Variants in ST18 observed in about 807,000 individuals in gnomAD.
ST18 encodes the protein ST18 C2H2C-type zinc finger transcription factor.
A neutral mutation model predicts 110.0 loss-of-function variants in ST18; 50 were observed. The ratio of observed to expected loss-of-function variants is 0.45; its 90% CI spans 0.36 to 0.58. ST18 has a LOEUF of 0.58. Among genes scored for constraint, ST18 ranks in the 20% least tolerant of loss-of-function variants. ST18 has a pLI of 0.00. For synonymous variants in ST18, 461 were observed against 452.4 expected, an observed-to-expected ratio of 1.02 and a Z score of -0.24; for missense variants, 1,306 against 1,280.1, an observed-to-expected ratio of 1.02 and a Z score of -0.31.
At chr8:52,350,803 C>A (rs187382108) in intron 2 of ST18, among the ~76,000 whole-genome samples, 2 of 152,172 alleles carry the variant, frequency 1.3e-5, no homozygotes, top group African/African-American at 2.4e-5. Context: ...TCACTGCAAC[C>A]TCTGCCTCCC....
At chr8:52,231,868 A>G (rs1177987923) in intron 2 of ST18, among the ~76,000 whole-genome samples, 1 of 152,242 alleles carries the variant, frequency 6.6e-6, no homozygotes, top group Non-Finnish European at 1.5e-5. Context: ...TGCACTGAAC[A>G]GCAAAGTGTC....
intron 15 of ST18, among the ~76,000 whole-genome samples, chr8:52,152,105 C>T (rs2058960159): frequency 6.6e-6 from 1 of 152,234 alleles, no homozygotes; most frequent in Admixed American, 6.5e-5. Context: ...ATCCTGCGCC[C>T]AGCCTGCTGC....
intron 15 of ST18, among the ~76,000 whole-genome samples, chr8:52,155,071 G>A (rs150732468): frequency 0.018 from 2,757 of 149,158 alleles, 85 homozygotes; most frequent in African/African-American, 0.064. Flanking sequence ...GTGTGCTGGC[G>A]CACGCCGGTA....
In ST18 at chr8:52,226,077, T is replaced by C. The variant is rs180738447; in HGVS notation, c.-419+3955A>G. Among the ~76,000 whole-genome samples, 11 of 152,306 alleles carry C rather than the reference T, an allele frequency of 7.2e-5. No individual in the cohort carries two copies. The East Asian group carries it at 1.9e-3, about 27-fold the overall frequency. On this transcript the variant is annotated intron_variant, in intron 3 of 25. Coordinates refer to ENST00000689386, the MANE Select transcript of ST18 (RefSeq NM_001352837.2). ...ACTGTGAAGAACTCCTTGGGTTAGA[T>C]GCAGCAAAGGACAGAGCAACAGTGA... is the stretch of plus-strand genomic sequence containing the variant.
intron 8 of ST18, among the ~76,000 whole-genome samples, chr8:52,181,483 A>G (rs907266861): frequency 6.6e-5 from 10 of 152,206 alleles, no homozygotes; most frequent in African/African-American, 2.2e-4. Flanking sequence ...AGAAGAAAAA[A>G]GATCCTGGAA....
rs186081024 is a variant in ST18, at chr8:52,289,110, G to T, written c.-464-59033C>A. ...AATCAAAGAATTCCAGCCCCTGCAGGTCAGAAAGCATCTTAGATACTACCC... is the reference window on the plus strand; with the variant it reads ...AATCAAAGAATTCCAGCCCCTGCAGTTCAGAAAGCATCTTAGATACTACCC... On this transcript the variant is annotated intron_variant, in intron 2 of 25. Transcript: ENST00000689386. 2.0e-4 allele frequency among the ~76,000 whole-genome samples: 30 copies of T among 152,262 alleles called. No individual in the cohort carries two copies. The East Asian group carries it at 5.0e-3, about 26-fold the overall frequency.
chr8:52,176,608 A>G (rs2067057511), intron 9 of ST18, among the ~76,000 whole-genome samples: 1 of 152,190 alleles, frequency 6.6e-6, no homozygotes, highest in South Asian at 2.1e-4. Flanking sequence ...TAGAGTAAAA[A>G]GTAAATGTTT....
intron 2 of ST18, among the ~76,000 whole-genome samples, chr8:52,341,083 CT>C (rs1351878802): frequency 6.6e-6 from 1 of 152,200 alleles, no homozygotes; most frequent in Non-Finnish European, 1.5e-5. Context: ...TGCAACCCCC[CT>C]AATCAAACTG....
chr8:52,390,723 C>G (rs1035822225), intron 2 of ST18, among the ~76,000 whole-genome samples: 1 of 152,170 alleles, frequency 6.6e-6, no homozygotes, highest in Non-Finnish European at 1.5e-5. Context: ...GGGCTTCTCC[C>G]CACACACATG....
intron 22 of ST18, among the ~76,000 whole-genome samples, chr8:52,131,453 C>A (rs537878969): frequency 6.6e-6 from 1 of 152,226 alleles, no homozygotes; most frequent in African/African-American, 2.4e-5. Flanking sequence ...TCTCCTGTAT[C>A]CTGCTGCACA....
At chr8:52,210,841 G>A (rs550041937) in intron 8 of ST18, among the ~76,000 whole-genome samples, 8 of 152,234 alleles carry the variant, frequency 5.3e-5, no homozygotes, top group African/African-American at 1.9e-4. Flanking sequence ...AGGCTATGAC[G>A]GAGATCATAA....
At chr8:52,367,018 A>G (rs111674668) in intron 2 of ST18, among the ~76,000 whole-genome samples, 1,986 of 152,274 alleles carry the variant, frequency 0.013, 50 homozygotes, top group African/African-American at 0.046. Flanking sequence ...AGATCACTTG[A>G]GGCCAGGAGT....
intron 22 of ST18, among the ~76,000 whole-genome samples, chr8:52,130,120 A>AAAGG (rs2048804827): frequency 8.8e-5 from 1 of 11,400 alleles, no homozygotes; most frequent in East Asian, 6.3e-3. Flanking sequence ...GAAAGAAAGA[A>AAAGG]AAGAAAGAAA....
chr8:52,340,512 CAA>C (rs1413978380), intron 2 of ST18, among the ~76,000 whole-genome samples: 1 of 152,204 alleles, frequency 6.6e-6, no homozygotes, highest in Non-Finnish European at 1.5e-5. Context: ...TTTAATGTTT[CAA>C]AAAGTCTATC....
At chr8:52,310,729 C>A (rs529429339) in intron 2 of ST18, among the ~76,000 whole-genome samples, 1 of 152,120 alleles carries the variant, frequency 6.6e-6, no homozygotes, top group Admixed American at 6.5e-5. Flanking sequence ...TTTCTTCTTG[C>A]GGCCTTCAGT....
In ST18 at chr8:52,133,060, A is replaced by C. The variant is rs755201614; in HGVS notation, c.2441T>G (p.Leu814Arg). 2 of 1,614,152 alleles carry C rather than the reference A, an allele frequency of 1.2e-6. No individual in the cohort carries two copies. The highest frequency in any genetic ancestry group is 2.7e-5 in the African/African-American group (2 of 75,034). The stretch of plus-strand genomic sequence containing the variant: ...ATGTCTCAACTGTTGCACTTACTTC[A>C]GTTCAGGGTCTTCTTTTTCTTCCTT... ...PTKEEKEDPE[L>R]KCPVIGCDGQ... The change falls in exon 21 of 26, where the codon CTG (leucine) becomes CGG (arginine). Residue 814 changes from leucine (L) to arginine (R), a missense_variant. Leu to Arg is a moderately radical substitution (Grantham distance 102). Transcript: ENST00000689386.
intron 2 of ST18, among the ~76,000 whole-genome samples, chr8:52,398,424 T>A (rs1429590223): frequency 6.6e-6 from 1 of 152,214 alleles, no homozygotes; most frequent in Admixed American, 6.5e-5. Context: ...CTTATCTGAC[T>A]GCTTTTGCTA....
chr8:52,116,220 T>C lies in ST18; in HGVS notation c.3003+55A>G, dbSNP rs1023875020. ...CGTGGCAACCCCGTGGGTAGATGCA[T>C]GATGACACTGCAAATGCTTGTAATG... On this transcript the variant is annotated intron_variant, in intron 25 of 25. Transcript: ENST00000689386. The C allele has an allele frequency of 5.7e-6, 9 of 1,582,572 alleles. No homozygotes were observed. In the African/African-American group the frequency reaches 6.7e-5, roughly 12 times the overall value.
At chr8:52,324,548 C>T (rs980162935) in intron 2 of ST18, among the ~76,000 whole-genome samples, 4 of 152,068 alleles carry the variant, frequency 2.6e-5, no homozygotes, top group South Asian at 2.1e-4. Flanking sequence ...GGCAGATGCA[C>T]GGCAATGGGA....
Sources: gnomAD v4.1 joint callset for allele counts (sites outside exome capture counted in the v4.1 genomes callset) on GRCh38, gnomAD v4.1.1 for gene constraint, MANE v1.5 for transcripts, NCBI Gene and HGNC (gene_info 2026-07-23, HGNC 2026-07-21) for gene names.